Variants in ADGRB3 observed in about 807,000 individuals in gnomAD.
The protein encoded by ADGRB3 is adhesion G protein-coupled receptor B3.
ADGRB3 carries 37 observed loss-of-function variants against 193.4 expected under a neutral mutation model. That is an observed-to-expected ratio of 0.19 (90% CI 0.15 to 0.25). ADGRB3 has a LOEUF of 0.25. Among genes scored for constraint, ADGRB3 ranks in the 10% least tolerant of loss-of-function variants. ADGRB3 has a pLI of 1.00. For synonymous variants in ADGRB3, 690 were observed against 644.2 expected (o/e 1.07, Z -1.08); for missense variants, 1,637 against 1,852.9 (o/e 0.88, Z 2.14).
intron 17 of ADGRB3, among the ~76,000 whole-genome samples, chr6:69,131,110 G>C (rs1052446936): frequency 2.0e-5 from 3 of 151,870 alleles, no homozygotes; most frequent in Admixed American, 1.3e-4. Flanking sequence ...TTAAAATCTA[G>C]TATAAGTTAG....
chr6:69,189,542 A>C lies in ADGRB3; in HGVS notation c.2481-43748A>C, dbSNP rs181260328. ...AATGTGACTATGATTGGAGTCATAC[A>C]CATTAACATTCACTTTTATTTCTGT... On this transcript the variant is annotated intron_variant, in intron 17 of 31. Coordinates refer to ENST00000370598, the MANE Select transcript of ADGRB3 (RefSeq NM_001704.3). Among the ~76,000 whole-genome samples, 38 of 152,326 alleles carry C rather than the reference A, an allele frequency of 2.5e-4. 1 individual carries two copies. Among genetic ancestry groups the C allele is most frequent in the Admixed American group, 2.2e-3 (34 of 15,300 alleles).
chr6:68,814,808 C>T (rs1336007717), intron 3 of ADGRB3, among the ~76,000 whole-genome samples: 1 of 152,116 alleles, frequency 6.6e-6, no homozygotes, highest in Non-Finnish European at 1.5e-5. Context: ...GGGCTTCATC[C>T]CTGGGATGCA....
chr6:68,705,442 C>T (rs769079824), intron 3 of ADGRB3, among the ~76,000 whole-genome samples: 4 of 152,098 alleles, frequency 2.6e-5, no homozygotes, highest in African/African-American at 7.2e-5. Context: ...AGGGAGATAA[C>T]GCATTTCAGG....
intron 13 of ADGRB3, among the ~76,000 whole-genome samples, chr6:69,038,526 G>A (rs1770941287): frequency 6.6e-6 from 1 of 152,118 alleles, no homozygotes; most frequent in Non-Finnish European, 1.5e-5. Flanking sequence ...AATCTTCAGA[G>A]AAACATACAA....
chr6:69,353,995 G>A (rs371255653), intron 26 of ADGRB3, among the ~76,000 whole-genome samples: 10 of 152,252 alleles, frequency 6.6e-5, no homozygotes, highest in South Asian at 2.1e-4. Flanking sequence ...CCTGGGAAGC[G>A]GAGGTTGCAG....
chr6:68,897,616 AAGGG>A (rs1203845632), intron 3 of ADGRB3, among the ~76,000 whole-genome samples: 8 of 113,540 alleles, frequency 7.0e-5, no homozygotes, highest in South Asian at 3.5e-4. Flanking sequence ...AAGAGGAAGG[AAGGG>A]AGGGAGGGAG....
At chr6:68,784,835 TAGAA>T (rs1766927279) in intron 3 of ADGRB3, among the ~76,000 whole-genome samples, 1 of 152,154 alleles carries the variant, frequency 6.6e-6, no homozygotes, top group African/African-American at 2.4e-5. Context: ...ATCAGCAAAG[TAGAA>T]AGAATTCTTG....
At chr6:68,675,904 C>G (rs1483894806) in intron 3 of ADGRB3, among the ~76,000 whole-genome samples, 1 of 152,154 alleles carries the variant, frequency 6.6e-6, no homozygotes, top group Non-Finnish European at 1.5e-5. Context: ...GAAGAATCCG[C>G]TTTTTATGAA....
chr6:69,069,104 A>T (rs901551874), intron 16 of ADGRB3, among the ~76,000 whole-genome samples: 1 of 152,166 alleles, frequency 6.6e-6, no homozygotes, highest in Non-Finnish European at 1.5e-5. Flanking sequence ...TTAAAAACTG[A>T]ACATAAGACC....
chr6:69,092,984 G>A, intron 17 of ADGRB3, among the ~76,000 whole-genome samples: 1 of 151,140 alleles, frequency 6.6e-6, no homozygotes, highest in East Asian at 1.9e-4. Flanking sequence ...AGGTTCAGGA[G>A]GAGAGGGAGT....
intron 16 of ADGRB3, among the ~76,000 whole-genome samples, chr6:69,074,087 C>CAT (rs1222145731): frequency 2.0e-5 from 3 of 151,626 alleles, no homozygotes; most frequent in African/African-American, 7.3e-5. Context: ...AGAAAAAGAT[C>CAT]ATTTTTTACT....
At chr6:68,737,853 A>T (rs1414822371) in intron 3 of ADGRB3, among the ~76,000 whole-genome samples, 3 of 152,204 alleles carry the variant, frequency 2.0e-5, no homozygotes, top group Admixed American at 6.6e-5. Context: ...GCCTAAGAGC[A>T]CAACAAAGTA....
intron 17 of ADGRB3, among the ~76,000 whole-genome samples, chr6:69,207,395 C>T (rs982512057): frequency 6.6e-6 from 1 of 152,084 alleles, no homozygotes; most frequent in African/African-American, 2.4e-5. Flanking sequence ...GTGTTTCCTC[C>T]AAAATCCAAA....
intron 17 of ADGRB3, among the ~76,000 whole-genome samples, chr6:69,230,625 A>G (rs981135520): frequency 6.6e-6 from 1 of 152,238 alleles, no homozygotes; most frequent in African/African-American, 2.4e-5. Context: ...AAAAACTCTC[A>G]TGAGTTTTAT....
intron 3 of ADGRB3, among the ~76,000 whole-genome samples, chr6:68,886,310 A>G (rs1055281579): frequency 2.0e-5 from 3 of 152,114 alleles, no homozygotes; most frequent in Non-Finnish European, 4.4e-5. Flanking sequence ...CCTAAAGTAT[A>G]GTACTCATTA....
chr6:69,014,176 T>C (rs904657870), intron 12 of ADGRB3, 70 bp downstream of exon 12: 19 of 1,128,988 alleles, frequency 1.7e-5, no homozygotes, highest in Non-Finnish European at 2.3e-5. Flanking sequence ...ACTAAATTAA[T>C]GGCTTGCTAT....
intron 3 of ADGRB3, among the ~76,000 whole-genome samples, chr6:68,888,283 T>C (rs981774768): frequency 6.6e-6 from 1 of 152,130 alleles, no homozygotes; most frequent in African/African-American, 2.4e-5. Context: ...ATTAATGCAG[T>C]TCAATAAATG....
intron 20 of ADGRB3, among the ~76,000 whole-genome samples, chr6:69,306,143 G>A (rs553809328): frequency 1.5e-4 from 22 of 151,574 alleles, no homozygotes; most frequent in African/African-American, 5.1e-4. Context: ...GGAAGCAACT[G>A]TATATGTGGT....
At chr6:69,352,830 A>G (rs1356370595) in intron 26 of ADGRB3, among the ~76,000 whole-genome samples, 1 of 152,228 alleles carries the variant, frequency 6.6e-6, no homozygotes, top group Non-Finnish European at 1.5e-5. Context: ...TCACATCAAA[A>G]TGGTGACAAG....
Sources: allele counts gnomAD v4.1 joint callset (sites outside exome capture counted in the v4.1 genomes callset), GRCh38; gene constraint gnomAD v4.1.1; transcripts MANE v1.5; gene names NCBI Gene and HGNC (gene_info 2026-07-23, HGNC 2026-07-21).